The following ROBO1 variants were observed in gnomAD, a reference collection of about 807,000 sequenced individuals.
The protein encoded by ROBO1 is roundabout guidance receptor 1.
In ROBO1, 149 loss-of-function variants were observed where a neutral mutation model predicts 195.9. The ratio of observed to expected loss-of-function variants is 0.76; its 90% confidence interval spans 0.67 to 0.87. ROBO1 has a LOEUF of 0.87. Among genes scored for constraint, ROBO1 ranks in the 40% least tolerant of loss-of-function variants. ROBO1 has a pLI of 0.00. For missense variants in ROBO1, 1,933 were observed against 2,068.3 expected, an observed-to-expected ratio of 0.93 and a Z score of 1.27; for synonymous variants, 816 against 733.2, an observed-to-expected ratio of 1.11 and a Z score of -1.82.
chr3:79,079,172 G>A (rs1293031313), intron 3 of ROBO1, among the ~76,000 whole-genome samples: 1 of 151,536 alleles, frequency 6.6e-6, no homozygotes, highest in Non-Finnish European at 1.5e-5. Flanking sequence ...ATTGAAGCAT[G>A]GAATAAAAGT....
intron 2 of ROBO1, among the ~76,000 whole-genome samples, chr3:79,254,695 C>A (rs1255158455): frequency 6.6e-6 from 1 of 152,124 alleles, no homozygotes; most frequent in African/African-American, 2.4e-5. Context: ...ATCTGAAATA[C>A]CAGCTCTCCT....
At chr3:78,768,939 T>C (rs2083298003) in intron 4 of ROBO1, among the ~76,000 whole-genome samples, 1 of 151,980 alleles carries the variant, frequency 6.6e-6, no homozygotes. Flanking sequence ...GATAGTTTAC[T>C]GAGAATGATG....
At chr3:79,716,520 G>A (rs72899841) in intron 1 of ROBO1, among the ~76,000 whole-genome samples, 2,076 of 151,768 alleles carry the variant, frequency 0.014, 40 homozygotes, top group African/African-American at 0.047. Flanking sequence ...TTTATTTAAC[G>A]AAACAATACT....
At chr3:79,594,413 TAAG>T (rs1944099946) in intron 1 of ROBO1, among the ~76,000 whole-genome samples, 1 of 151,966 alleles carries the variant, frequency 6.6e-6, no homozygotes, top group Non-Finnish European at 1.5e-5. Context: ...GGCTTTGAAT[TAAG>T]AAAACTAACA....
At chr3:78,895,320 G>A (rs2037164228) in intron 4 of ROBO1, among the ~76,000 whole-genome samples, 1 of 152,122 alleles carries the variant, frequency 6.6e-6, no homozygotes, top group Non-Finnish European at 1.5e-5. Context: ...GAAGAAAAGA[G>A]AGAAAGAAAG....
intron 4 of ROBO1, among the ~76,000 whole-genome samples, chr3:78,779,575 T>C (rs2083610611): frequency 6.6e-6 from 1 of 152,192 alleles, no homozygotes; most frequent in African/African-American, 2.4e-5. Context: ...TCACGTCAGT[T>C]AGAATGTTGT....
intron 1 of ROBO1, among the ~76,000 whole-genome samples, chr3:79,704,887 G>A (rs1947721414): frequency 6.6e-6 from 1 of 151,948 alleles, no homozygotes; most frequent in Non-Finnish European, 1.5e-5. Flanking sequence ...ATATGAATGG[G>A]TGTATAGCAG....
At chr3:79,756,441 CA>C (rs1264398208) in intron 1 of ROBO1, among the ~76,000 whole-genome samples, 2 of 150,778 alleles carry the variant, frequency 1.3e-5, no homozygotes, top group African/African-American at 4.9e-5. Flanking sequence ...CCCAGCTACT[CA>C]GGGGGCGGAG....
intron 5 of ROBO1, 97 bp from the exon 6 acceptor site, chr3:78,717,980 T>A: frequency 8.4e-7 from 1 of 1,194,886 alleles, no homozygotes; most frequent in Non-Finnish European, 1.2e-6. Flanking sequence ...TCTAAGCATA[T>A]AAATCAAAGC....
chr3:79,632,421 A>G (rs1250206547), intron 1 of ROBO1, among the ~76,000 whole-genome samples: 4 of 152,138 alleles, frequency 2.6e-5, no homozygotes, highest in African/African-American at 9.7e-5. Context: ...TAGGAGCTAA[A>G]CAACTGGTAC....
chr3:79,207,676 G>A (rs1310880261), intron 2 of ROBO1, among the ~76,000 whole-genome samples: 1 of 150,794 alleles, frequency 6.6e-6, no homozygotes, highest in Non-Finnish European at 1.5e-5. Flanking sequence ...TGTTTGAATT[G>A]TTTTCTGCTT....
chr3:79,439,302 C>T (rs2038981882), intron 2 of ROBO1, among the ~76,000 whole-genome samples: 1 of 152,066 alleles, frequency 6.6e-6, no homozygotes, highest in Admixed American at 6.6e-5. Context: ...ATGTATACAA[C>T]AATCTTTTCC....
At chr3:79,765,283 T>A (rs928738127) in intron 1 of ROBO1, among the ~76,000 whole-genome samples, 1 of 152,162 alleles carries the variant, frequency 6.6e-6, no homozygotes, top group Admixed American at 6.5e-5. Flanking sequence ...TCCTTAGATA[T>A]CCTAATTTTT....
chr3:78,932,315 C>T (rs1297165492), intron 4 of ROBO1, among the ~76,000 whole-genome samples: 2 of 152,122 alleles, frequency 1.3e-5, no homozygotes, highest in East Asian at 1.9e-4. Context: ...ATATTCTGGA[C>T]GTCTCAAGAG....
intron 3 of ROBO1, among the ~76,000 whole-genome samples, chr3:79,061,291 C>T (rs556036184): frequency 2.0e-4 from 31 of 152,198 alleles, no homozygotes; most frequent in Non-Finnish European, 2.2e-4. Flanking sequence ...ATCCAACTTA[C>T]AAGGGATGTG....
At chr3:78,825,472 G>A (rs918809870) in intron 4 of ROBO1, among the ~76,000 whole-genome samples, 3 of 152,102 alleles carry the variant, frequency 2.0e-5, no homozygotes, top group Non-Finnish European at 4.4e-5. Flanking sequence ...AACTCTATTC[G>A]AAGACAGCCA....
At chr3:78,955,022 T>C (rs145313681) in intron 3 of ROBO1, among the ~76,000 whole-genome samples, 99 of 151,034 alleles carry the variant, frequency 6.6e-4, no homozygotes, top group African/African-American at 2.2e-3. Flanking sequence ...CTGTGTGTCA[T>C]GGGGTTATAC....
At chr3:78,907,170 G>A (rs2037972787) in intron 4 of ROBO1, among the ~76,000 whole-genome samples, 1 of 151,966 alleles carries the variant, frequency 6.6e-6, no homozygotes, top group African/African-American at 2.4e-5. Context: ...ATTTTGCAAT[G>A]TTATGTTAAA....
chr3:79,075,803 C>A (rs976354384), intron 3 of ROBO1, among the ~76,000 whole-genome samples: 1 of 151,640 alleles, frequency 6.6e-6, no homozygotes, highest in Non-Finnish European at 1.5e-5. Context: ...GAATAAGGCA[C>A]TAGCTATGTA....
Sources: allele counts gnomAD v4.1 joint callset (sites outside exome capture counted in the v4.1 genomes callset), GRCh38; gene constraint gnomAD v4.1.1; transcripts MANE v1.5; gene names NCBI Gene and HGNC (gene_info 2026-07-23, HGNC 2026-07-21).